CTNNA2: variants seen among roughly 807,000 people sequenced by gnomAD.
CTNNA2 encodes the protein catenin alpha-2.
Under a neutral mutation model 101.0 loss-of-function variants are expected in CTNNA2, and 42 were observed. The ratio of observed to expected loss-of-function variants is 0.42; its 90% CI spans 0.32 to 0.54. The LOEUF is 0.54. CTNNA2 is among the 20% of genes least tolerant of loss of function. CTNNA2 has a pLI of 0.14. For missense variants in CTNNA2, 871 were observed against 1,223.1 expected (o/e 0.71, Z 4.29); for synonymous variants, 450 against 456.4 (o/e 0.99, Z 0.18).
chr2:79,658,837 T>C (rs114449980), intron 2 of CTNNA2, among the ~76,000 whole-genome samples: 1,817 of 152,214 alleles, frequency 0.012, 17 homozygotes, highest in Admixed American at 0.02. Flanking sequence ...TCCAGTATTA[T>C]TTTGAGCAAT....
intron 5 of CTNNA2, 136 bp downstream of exon 5, chr2:79,870,071 G>C: frequency 4.3e-6 from 5 of 1,151,010 alleles, no homozygotes; most frequent in Admixed American, 2.3e-5. Flanking sequence ...GACAAAGGTT[G>C]CTTCCTGCAG....
intron 7 of CTNNA2, among the ~76,000 whole-genome samples, chr2:80,140,273 G>C (rs1702930174): frequency 6.6e-6 from 1 of 152,082 alleles, no homozygotes; most frequent in Non-Finnish European, 1.5e-5. Context: ...AAAACCTTTG[G>C]TCCTTCAAAG....
chr2:80,328,413 G>C lies in CTNNA2; in HGVS notation c.1057-64798G>C, dbSNP rs182812826. The C allele has an allele frequency of 1.3e-3, 619 of 470,724 alleles. 7 individuals are homozygous for C. The highest frequency in any genetic ancestry group is 4.6e-3 in the South Asian group (299 of 64,528). 29.2% of individuals were successfully genotyped at this position (470,724 alleles called of 1,614,324 possible). A position where few individuals can be genotyped will look rare whatever the true frequency, so the allele number is the denominator to read the frequency against. On this transcript the variant is annotated intron_variant, in intron 7 of 18. Coordinates refer to ENST00000402739, the MANE Select transcript of CTNNA2 (RefSeq NM_001282597.3). ...TCCATAGGGGAATGGCTAGGCTGAG[G>C]GGCCAGACTGAGGGACCTACTGAGA... is the stretch of plus-strand genomic sequence containing the variant.
intron 4 of CTNNA2, among the ~76,000 whole-genome samples, chr2:79,448,658 A>G (rs1045434166): frequency 6.6e-6 from 1 of 152,004 alleles, no homozygotes; most frequent in Non-Finnish European, 1.5e-5. Context: ...GACAAAATAC[A>G]AAGTCTAGAA....
intron 7 of CTNNA2, among the ~76,000 whole-genome samples, chr2:80,208,925 A>T (rs745752769): frequency 2.0e-5 from 3 of 152,190 alleles, no homozygotes; most frequent in Non-Finnish European, 4.4e-5. Context: ...TTATGGGGGA[A>T]AACTTGTGAC....
chr2:79,735,512 C>G (rs990139266), intron 2 of CTNNA2, among the ~76,000 whole-genome samples: 1 of 152,146 alleles, frequency 6.6e-6, no homozygotes, highest in African/African-American at 2.4e-5. Flanking sequence ...ATAAAAATAT[C>G]TCACCCAATC....
intron 1 of CTNNA2, among the ~76,000 whole-genome samples, chr2:79,515,633 A>G (rs1190653222): frequency 6.6e-6 from 1 of 152,174 alleles, no homozygotes; most frequent in Non-Finnish European, 1.5e-5. Context: ...ACAAAGTAAC[A>G]TTTTTTTACA....
intron 7 of CTNNA2, among the ~76,000 whole-genome samples, chr2:79,994,534 C>G (rs1462913896): frequency 6.6e-6 from 1 of 151,842 alleles, no homozygotes; most frequent in African/African-American, 2.4e-5. Context: ...GGATCCCCAA[C>G]ATGGTGGCAA....
chr2:79,789,792 A>G (rs919945730), intron 3 of CTNNA2, among the ~76,000 whole-genome samples: 5 of 152,058 alleles, frequency 3.3e-5, no homozygotes, highest in African/African-American at 1.2e-4. Flanking sequence ...TGATGGTGAG[A>G]GGAGAGTCAA....
chr2:80,455,387 G>A (rs976574403), intron 9 of CTNNA2, among the ~76,000 whole-genome samples: 6 of 152,180 alleles, frequency 3.9e-5, no homozygotes, highest in East Asian at 3.9e-4. Flanking sequence ...GGTTGAGAAG[G>A]CAGGACTTTG....
At chr2:80,341,273 G>A (rs1672214838) in intron 7 of CTNNA2, among the ~76,000 whole-genome samples, 2 of 152,068 alleles carry the variant, frequency 1.3e-5, no homozygotes, top group Non-Finnish European at 2.9e-5. Flanking sequence ...AAATTTACAT[G>A]CTTTTAGTCA....
At chr2:80,030,031 T>C (rs1695188619) in intron 7 of CTNNA2, among the ~76,000 whole-genome samples, 1 of 151,856 alleles carries the variant, frequency 6.6e-6, no homozygotes, top group African/African-American at 2.4e-5. Context: ...ATCACCCAGT[T>C]TGGGGGAAAT....
intron 4 of CTNNA2, among the ~76,000 whole-genome samples, chr2:79,400,165 G>A (rs1678274559): frequency 6.6e-6 from 1 of 152,058 alleles, no homozygotes; most frequent in Non-Finnish European, 1.5e-5. Context: ...ATTCTCTTGA[G>A]TTTCTGATTA....
chr2:80,639,535 G>GTGTGTGTGTGTGTGTC (rs1224617726), intron 18 of CTNNA2, among the ~76,000 whole-genome samples: 2 of 151,802 alleles, frequency 1.3e-5, no homozygotes, highest in African/African-American at 4.8e-5. Flanking sequence ...GTGTGTGTGT[G>GTGTGTGTGTGTGTGTC]TGTGTCTGTG....
chr2:80,210,212 TTTTC>T (rs1269059315), intron 7 of CTNNA2, among the ~76,000 whole-genome samples: 84 of 152,286 alleles, frequency 5.5e-4, no homozygotes, highest in Non-Finnish European at 1.1e-3. Flanking sequence ...AACACATTGT[TTTTC>T]TTTCTTTTTT....
chr2:79,931,018 A>AT (rs375733775), intron 7 of CTNNA2, among the ~76,000 whole-genome samples: 5 of 152,036 alleles, frequency 3.3e-5, no homozygotes, highest in South Asian at 2.1e-4. Context: ...ATAATATATG[A>AT]TTTTTTTTAT....
rs869061321 is a variant in CTNNA2 at position 80,020,993 on chromosome 2, C to CTTTTT, written c.1056+111218_1056+111222dup. On this transcript the variant is annotated intron_variant, in intron 7 of 18. Coordinates refer to ENST00000402739, the MANE Select transcript of CTNNA2 (RefSeq NM_001282597.3). Reference sequence around the variant, plus strand: ...TGAAATTTTTGGAATGACCAATCATCTTTTTTTTTTTTTTTTTTTTTTTTT... The same window carrying CTTTTT: ...TGAAATTTTTGGAATGACCAATCATCTTTTTTTTTTTTTTTTTTTTTTTTTTTTTT... Among the ~76,000 whole-genome samples the CTTTTT allele has an allele frequency of 2.4e-4, 21 of 89,358 alleles. 3 individuals are homozygous for CTTTTT. Among genetic ancestry groups the CTTTTT allele is most frequent in the African/African-American group, 6.8e-4 (14 of 20,612 alleles). The allele number at this position is 89,358 out of a possible 152,430, so 58.6% of individuals were successfully genotyped here.
At chr2:79,396,390 C>G (rs1268741570) in intron 4 of CTNNA2, among the ~76,000 whole-genome samples, 1 of 152,082 alleles carries the variant, frequency 6.6e-6, no homozygotes, top group Non-Finnish European at 1.5e-5. Context: ...AACTCCTGAC[C>G]TCAGGCGATC....
At chr2:79,527,664 A>C (rs965639156) in intron 1 of CTNNA2, among the ~76,000 whole-genome samples, 5 of 151,722 alleles carry the variant, frequency 3.3e-5, no homozygotes, top group Non-Finnish European at 4.4e-5. Flanking sequence ...AAATATGGGG[A>C]AATTGGAATC....
Sources: allele counts gnomAD v4.1 joint callset (sites outside exome capture counted in the v4.1 genomes callset), GRCh38; gene constraint gnomAD v4.1.1; transcripts MANE v1.5; gene names NCBI Gene and HGNC (gene_info 2026-07-23, HGNC 2026-07-21).